The following WWC1 variants were observed in gnomAD, a reference collection of about 807,000 sequenced individuals.
WWC1 encodes WW and C2 domain containing 1, also known as protein KIBRA.
WWC1 carries 55 observed loss-of-function variants against 138.4 expected under a neutral mutation model. That is an observed-to-expected ratio of 0.40 (90% CI 0.32 to 0.50). The LOEUF (loss-of-function observed/expected upper bound fraction) is 0.50, where lower values mean the gene tolerates loss of function less well. Ranked by LOEUF, WWC1 falls within the 20% of genes least tolerant of loss-of-function variation. The pLI is 0.72. For missense variants in WWC1, 1,226 were observed against 1,420.4 expected, an observed-to-expected ratio of 0.86 and a Z score of 2.20; for synonymous variants, 524 against 564.9, an observed-to-expected ratio of 0.93 and a Z score of 1.03.
chr5:168,368,990 T>A (rs1463662000), intron 1 of WWC1, among the ~76,000 whole-genome samples: 1 of 152,038 alleles, frequency 6.6e-6, no homozygotes, highest in Admixed American at 6.6e-5. Flanking sequence ...TACTCCAAAA[T>A]GGTAGTTTGT....
intron 3 of WWC1, among the ~76,000 whole-genome samples, chr5:168,394,462 C>A (rs1292738909): frequency 3.3e-5 from 5 of 151,522 alleles, no homozygotes; most frequent in Non-Finnish European, 7.4e-5. Flanking sequence ...CGTGGTGGCT[C>A]ACGCCTGTAA....
intron 17 of WWC1, among the ~76,000 whole-genome samples, chr5:168,446,833 C>T (rs535912362): frequency 1.1e-4 from 17 of 152,314 alleles, no homozygotes; most frequent in Admixed American, 7.8e-4. Flanking sequence ...AGAGAAGGAA[C>T]GTTCCTCACT....
chr5:168,427,548 A>ATTTT (rs34177139), intron 11 of WWC1, among the ~76,000 whole-genome samples: 67 of 101,064 alleles, frequency 6.6e-4, no homozygotes, highest in East Asian at 2.4e-3. Flanking sequence ...CTTTTTTTTA[A>ATTTT]TTTTTTTTTT....
chr5:168,447,823 A>C (rs1755419303), intron 17 of WWC1, among the ~76,000 whole-genome samples: 5 of 146,926 alleles, frequency 3.4e-5, no homozygotes, highest in East Asian at 4.0e-4. Flanking sequence ...CTCCCCACTG[A>C]CCCCTGGCCA....
At chr5:168,401,001 A>T (rs1269976819) in intron 5 of WWC1, among the ~76,000 whole-genome samples, 1 of 150,144 alleles carries the variant, frequency 6.7e-6, no homozygotes, top group Non-Finnish European at 1.5e-5. Context: ...GAAAGAAAAA[A>T]AGAAAGGAAG....
Position 168,469,191 on chromosome 5 carries a change from A to G in WWC1, c.*174A>G. The G allele has an allele frequency of 1.6e-6, 1 of 631,842 alleles. No individual in the cohort carries two copies. Among genetic ancestry groups the G allele is most frequent in the Non-Finnish European group, 2.7e-6 (1 of 368,364 alleles). 39.1% of individuals were successfully genotyped at this position (631,842 alleles called of 1,614,324 possible). A position where few individuals can be genotyped will look rare whatever the true frequency, so the allele number is the denominator to read the frequency against. On this transcript the variant is annotated 3_prime_UTR_variant, in exon 23 of 23. Transcript: ENST00000265293. ...GGGTCCTACTGTTGTTATTAAAAAC[A>G]GAACAAAAACAAAACACACACACAC...
chr5:168,349,373 A>T (rs749039056), intron 1 of WWC1, among the ~76,000 whole-genome samples: 1 of 152,202 alleles, frequency 6.6e-6, no homozygotes, highest in South Asian at 2.1e-4. Context: ...TTATAACTAT[A>T]GAAAGGTTTT....
At chr5:168,419,029 T>C (rs1381238878) in intron 9 of WWC1, among the ~76,000 whole-genome samples, 1 of 152,176 alleles carries the variant, frequency 6.6e-6, no homozygotes, top group African/African-American at 2.4e-5. Flanking sequence ...GATTTAGTTG[T>C]CCAGTAACAA....
chr5:168,446,094 G>A (rs1161672864), intron 17 of WWC1, among the ~76,000 whole-genome samples: 1 of 150,488 alleles, frequency 6.6e-6, no homozygotes, highest in Non-Finnish European at 1.5e-5. Context: ...AACGGAGAAA[G>A]TGGATACTGG....
At chr5:168,456,199 G>A (rs1320421091) in intron 19 of WWC1, among the ~76,000 whole-genome samples, 1 of 152,138 alleles carries the variant, frequency 6.6e-6, no homozygotes, top group Non-Finnish European at 1.5e-5. Context: ...AGCTAGTGGG[G>A]AAGCTGAGAC....
At chr5:168,382,009 C>T (rs892481198) in intron 2 of WWC1, among the ~76,000 whole-genome samples, 34 of 151,914 alleles carry the variant, frequency 2.2e-4, no homozygotes, top group African/African-American at 7.5e-4. Flanking sequence ...AAACCTATCC[C>T]ACAGAATTAA....
intron 6 of WWC1, among the ~76,000 whole-genome samples, chr5:168,407,296 C>A (rs1238127590): frequency 6.6e-6 from 1 of 151,636 alleles, no homozygotes; most frequent in East Asian, 1.9e-4. Flanking sequence ...TCTCTTAAAT[C>A]AACCCTAGTT....
intron 7 of WWC1, among the ~76,000 whole-genome samples, chr5:168,409,517 A>G (rs1371024987): frequency 6.6e-6 from 1 of 152,144 alleles, no homozygotes; most frequent in African/African-American, 2.4e-5. Flanking sequence ...TTCACTCCTG[A>G]CTGCAGCCTC....
chr5:168,386,638 G>A (rs1020036291), intron 3 of WWC1, among the ~76,000 whole-genome samples: 2 of 150,994 alleles, frequency 1.3e-5, no homozygotes, highest in African/African-American at 4.9e-5. Context: ...CTCGTGATGC[G>A]CCTGCCTCAG....
rs1392537251 is a variant in WWC1 at position 168,440,835 on chromosome 5, G to T, written c.2281-847G>T. Among the ~76,000 whole-genome samples the T allele has an allele frequency of 3.3e-5, 5 of 152,100 alleles. No individual in the cohort carries two copies. The East Asian group carries it at 9.7e-4, about 29-fold the overall frequency. On this transcript the variant is annotated intron_variant, in intron 15 of 22. Coordinates refer to ENST00000265293, the MANE Select transcript of WWC1 (RefSeq NM_015238.3). ...CCCGGCCTGAAAGCAGGTTCTTAAA[G>T]AATTACTTGTACACTCATGTTCATG...
At chr5:168,313,054 C>T (rs1019782780) in intron 1 of WWC1, among the ~76,000 whole-genome samples, 1 of 151,890 alleles carries the variant, frequency 6.6e-6, no homozygotes, top group African/African-American at 2.4e-5. Context: ...GTGATTCACC[C>T]GCCTCGGCCT....
intron 2 of WWC1, among the ~76,000 whole-genome samples, chr5:168,381,614 G>A (rs1430769098): frequency 2.0e-4 from 31 of 152,088 alleles, no homozygotes; most frequent in Admixed American, 2.0e-3. Context: ...ATTCTCCCGG[G>A]TGATTCTAAT....
intron 18 of WWC1, among the ~76,000 whole-genome samples, chr5:168,454,879 G>C (rs185047011): frequency 6.6e-6 from 1 of 152,198 alleles, no homozygotes; most frequent in Admixed American, 6.5e-5. Flanking sequence ...TACTGTGCAC[G>C]GGCAGTAAAA....
chr5:168,375,555 T>C (rs1246172560), intron 2 of WWC1, among the ~76,000 whole-genome samples: 1 of 151,366 alleles, frequency 6.6e-6, no homozygotes, highest in Non-Finnish European at 1.5e-5. Flanking sequence ...CAACTCTTTC[T>C]TTTTTTTTGT....
Sources: gnomAD v4.1 joint callset for allele counts (sites outside exome capture counted in the v4.1 genomes callset) on GRCh38, gnomAD v4.1.1 for gene constraint, MANE v1.5 for transcripts, NCBI Gene and HGNC (gene_info 2026-07-23, HGNC 2026-07-21) for gene names.